The following FLACC1 variants were observed in gnomAD, a reference collection of about 807,000 sequenced individuals.
FLACC1 encodes the protein flagellum associated containing coiled-coil domains 1, also known as flagellum-associated coiled-coil domain-containing protein 1.
A neutral mutation model predicts 62.8 loss-of-function variants in FLACC1; 66 were observed. The ratio of observed to expected loss-of-function variants is 1.05; its 90% confidence interval spans 0.86 to 1.29. The LOEUF is 1.29. Among genes scored for constraint, FLACC1 ranks in the 50% most tolerant of loss-of-function variants. FLACC1 has a pLI of 0.00. For missense variants in FLACC1, 452 were observed against 489.1 expected, an observed-to-expected ratio of 0.92 and a Z score of 0.71; for synonymous variants, 156 against 161.0, an observed-to-expected ratio of 0.97 and a Z score of 0.24.
At chr2:201,337,720 G>A (rs911135194) in intron 7 of FLACC1, among the ~76,000 whole-genome samples, 6 of 151,884 alleles carry the variant, frequency 4.0e-5, no homozygotes, top group South Asian at 2.1e-4. Context: ...ACGGTGTCTC[G>A]CTATGTTGTG....
chr2:201,333,830 G>A (rs554847763), intron 7 of FLACC1, among the ~76,000 whole-genome samples: 2 of 152,234 alleles, frequency 1.3e-5, no homozygotes, highest in Admixed American at 1.3e-4. Flanking sequence ...TTGGTTCCAA[G>A]TCTTTGCTAT....
chr2:201,333,693 T>G (rs1373705138), intron 7 of FLACC1, among the ~76,000 whole-genome samples: 1 of 152,076 alleles, frequency 6.6e-6, no homozygotes, highest in Admixed American at 6.6e-5. Context: ...CTGAGAATGA[T>G]GGTTTCCAGC....
At chr2:201,293,392 G>T (rs977040556) in intron 12 of FLACC1, among the ~76,000 whole-genome samples, 1 of 152,136 alleles carries the variant, frequency 6.6e-6, no homozygotes, top group African/African-American at 2.4e-5. Flanking sequence ...ACAACTACAT[G>T]GAAACTGAAC....
rs565155024 is a variant in FLACC1 at position 201,349,459 on chromosome 2, T to C, written c.186-1157A>G. The stretch of plus-strand genomic sequence containing the variant: ...ATGTAGCACTTGCCAACCTCGGATG[T>C]AATAACTAGTTTATGGTCCTCTTCC... On this transcript the variant is annotated intron_variant, in intron 3 of 14. Transcript: ENST00000392257. 2.6e-5 allele frequency among the ~76,000 whole-genome samples: 4 copies of C among 152,316 alleles called. No homozygotes were observed. The South Asian group carries it at 8.3e-4, about 32-fold the overall frequency.
chr2:201,309,402 G>A (rs1950170361), intron 9 of FLACC1, 152 bp from the exon 10 acceptor site: 14 of 638,606 alleles, frequency 2.2e-5, no homozygotes, highest in Non-Finnish European at 3.1e-5. Flanking sequence ...CTTACCTGGG[G>A]CCCTCACTGA....
chr2:201,308,385 C>T (rs1277398148), intron 10 of FLACC1, among the ~76,000 whole-genome samples: 3 of 152,198 alleles, frequency 2.0e-5, no homozygotes, highest in Non-Finnish European at 4.4e-5. Flanking sequence ...CTTCATATTA[C>T]CTTCTGGCAG....
intron 12 of FLACC1, among the ~76,000 whole-genome samples, chr2:201,295,408 G>A (rs931825960): frequency 2.0e-5 from 3 of 152,090 alleles, no homozygotes; most frequent in Non-Finnish European, 4.4e-5. Context: ...CAAGAAATGG[G>A]GAAAGGATTC....
chr2:201,353,255 T>C (rs1328535473), intron 1 of FLACC1, among the ~76,000 whole-genome samples: 1 of 152,230 alleles, frequency 6.6e-6, no homozygotes, highest in African/African-American at 2.4e-5. Context: ...ATGTATCAAA[T>C]GTAAATACTT....
chr2:201,356,127 G>A (rs2125629841), intron 1 of FLACC1, among the ~76,000 whole-genome samples: 2 of 152,156 alleles, frequency 1.3e-5, no homozygotes, highest in South Asian at 4.2e-4. Flanking sequence ...TTGGACAATG[G>A]TCATCTACCA....
At chr2:201,355,987 G>T (rs1576487843) in intron 1 of FLACC1, among the ~76,000 whole-genome samples, 1 of 152,060 alleles carries the variant, frequency 6.6e-6, no homozygotes, top group East Asian at 1.9e-4. Flanking sequence ...GTTGGAACAG[G>T]GTCCTGGGAG....
chr2:201,317,005 A>G (rs1161349537), intron 9 of FLACC1, among the ~76,000 whole-genome samples: 1 of 152,216 alleles, frequency 6.6e-6, no homozygotes, highest in Non-Finnish European at 1.5e-5. Context: ...AGCATGCTTT[A>G]TGATTAAAAC....
rs150926382 is a variant in FLACC1 at position 201,339,065 on chromosome 2, A to G, written c.524+3305T>C. Reference sequence around the variant, plus strand: ...GTCCTGGGCTTTTCTTTGTTGGGAGACTTTTTATTACTGATTCAACCTTGC... The same window carrying G: ...GTCCTGGGCTTTTCTTTGTTGGGAGGCTTTTTATTACTGATTCAACCTTGC... On this transcript the variant is annotated intron_variant, in intron 7 of 14. Transcript: ENST00000392257. Among the ~76,000 whole-genome samples the G allele has an allele frequency of 4.1e-3, 622 of 151,998 alleles. 3 individuals are homozygous for G. Among genetic ancestry groups the G allele is most frequent in the African/African-American group, 0.014 (584 of 41,502 alleles).
chr2:201,295,100 T>C (rs1367000344), intron 12 of FLACC1, among the ~76,000 whole-genome samples: 1 of 152,190 alleles, frequency 6.6e-6, no homozygotes, highest in African/African-American at 2.4e-5. Flanking sequence ...AGGTAATTTA[T>C]AGATTCAATG....
rs1950910906 is a variant in FLACC1, at chr2:201,346,197, C to A, written c.368+345G>T. 1.3e-5 allele frequency among the ~76,000 whole-genome samples: 2 copies of A among 152,014 alleles called. No individual in the cohort carries two copies. Among genetic ancestry groups the A allele is most frequent in the African/African-American group, 4.8e-5 (2 of 41,388 alleles). On this transcript the variant is annotated intron_variant, in intron 5 of 14. Coordinates refer to ENST00000392257, the MANE Select transcript of FLACC1 (RefSeq NM_001127391.3). This position sits in a 1 kb window ranked among gnomAD's most constrained non-coding sequence, Gnocchi z 4.0. ...AAAGTGCACTCCAGCCACCCAGAAA[C>A]CCTCACTTTACTTAATTTGCATGCC...
Position 201,288,387 on chromosome 2 carries a change from C to T in FLACC1, c.*268G>A, listed in dbSNP as rs1387169787. On this transcript the variant is annotated 3_prime_UTR_variant, in exon 15 of 15. Coordinates refer to ENST00000392257, the MANE Select transcript of FLACC1 (RefSeq NM_001127391.3). ...GGCCTTCAAATCAGTTTCTTTCTAA[C>T]GAAATACGTCAAGGTAGAAGAAAAA... 5 of 304,116 alleles carry T rather than the reference C, an allele frequency of 1.6e-5. No homozygotes were observed. The highest frequency in any genetic ancestry group is 5.5e-5 in the East Asian group (1 of 18,072). The allele number at this position is 304,116 out of a possible 1,614,324, so 18.8% of individuals were successfully genotyped here.
chr2:201,307,094 T>C (rs1272988722), intron 11 of FLACC1, among the ~76,000 whole-genome samples: 1 of 152,158 alleles, frequency 6.6e-6, no homozygotes, highest in Non-Finnish European at 1.5e-5. Context: ...AAAAAAATGG[T>C]ACAACTACTT....
At position 201,350,890 on chromosome 2, in the gene FLACC1, A is replaced by G. The variant is rs1399859051; in HGVS notation, c.114-108T>C. On this transcript the variant is annotated intron_variant, in intron 2 of 14. Coordinates refer to ENST00000392257, the MANE Select transcript of FLACC1 (RefSeq NM_001127391.3). ...CTATAGTGACCCAAAATTGGAATGC[A>G]TGATCTGATAGCTGGAATCTTTAAA... The G allele has an allele frequency of 1.1e-5, 10 of 871,348 alleles. 1 individual carries two copies. The Admixed American group carries it at 2.1e-4, about 19-fold the overall frequency. The allele number at this position is 871,348 out of a possible 1,614,324, so 54.0% of individuals were successfully genotyped here. A position where few individuals can be genotyped will look rare whatever the true frequency, so the allele number is the denominator to read the frequency against.
chr2:201,301,423 G>A (rs909734545), intron 11 of FLACC1, among the ~76,000 whole-genome samples: 1 of 152,140 alleles, frequency 6.6e-6, no homozygotes, highest in Admixed American at 6.5e-5. Flanking sequence ...AAGAAATATG[G>A]GACTATGTGA....
At chr2:201,325,054 A>G (rs1950477432) in intron 9 of FLACC1, among the ~76,000 whole-genome samples, 1 of 152,124 alleles carries the variant, frequency 6.6e-6, no homozygotes, top group South Asian at 2.1e-4. Flanking sequence ...GAATTGCTTG[A>G]ACTTGGGAGG....
Sources: allele counts gnomAD v4.1 joint callset (sites outside exome capture counted in the v4.1 genomes callset), GRCh38; gene constraint gnomAD v4.1.1; non-coding constraint Gnocchi (gnomAD v3.1); transcripts MANE v1.5; gene names NCBI Gene and HGNC (gene_info 2026-07-23, HGNC 2026-07-21).